GMDS: variants seen among roughly 807,000 people sequenced by gnomAD.
The protein encoded by GMDS is GDP-mannose 4,6 dehydratase.
A neutral mutation model predicts 49.9 loss-of-function variants in GMDS; 20 were observed. The observed-to-expected ratio is 0.40, with a 90% CI of 0.28 to 0.58. The LOEUF (loss-of-function observed/expected upper bound fraction) is 0.58, where lower values mean the gene tolerates loss of function less well. Ranked by LOEUF, GMDS falls within the 20% of genes least tolerant of loss-of-function variation. The pLI is 0.42. For synonymous variants in GMDS, 177 were observed against 178.6 expected, an observed-to-expected ratio of 0.99 and a Z score of 0.07; for missense variants, 362 against 481.4, an observed-to-expected ratio of 0.75 and a Z score of 2.32.
intron 1 of GMDS, among the ~76,000 whole-genome samples, chr6:2,172,879 T>G (rs1778088183): frequency 6.6e-6 from 1 of 152,304 alleles, no homozygotes; most frequent in Non-Finnish European, 1.5e-5. Flanking sequence ...TATCAGGCTT[T>G]GTACTGACAT....
At chr6:1,893,738 C>G (rs1024172356) in intron 7 of GMDS, among the ~76,000 whole-genome samples, 2 of 152,114 alleles carry the variant, frequency 1.3e-5, no homozygotes, top group Admixed American at 6.5e-5. Flanking sequence ...ACACTGGACT[C>G]GTGTGAAGGG....
At chr6:2,204,807 G>T (rs1581793453) in intron 1 of GMDS, among the ~76,000 whole-genome samples, 1 of 152,114 alleles carries the variant, frequency 6.6e-6, no homozygotes, top group Admixed American at 6.5e-5. Context: ...TTCGCCTACT[G>T]GTAAAAGGTG....
intron 4 of GMDS, among the ~76,000 whole-genome samples, chr6:2,003,575 G>GT (rs1331071270): frequency 2.0e-5 from 3 of 152,124 alleles, no homozygotes; most frequent in African/African-American, 7.2e-5. Context: ...ATTACCTAGA[G>GT]TAAGACTTGC....
chr6:2,068,650 T>G (rs920266512), intron 4 of GMDS, among the ~76,000 whole-genome samples: 3 of 151,988 alleles, frequency 2.0e-5, no homozygotes, highest in Non-Finnish European at 4.4e-5. Context: ...AAATCATGGG[T>G]GAACTCCCAT....
intron 1 of GMDS, among the ~76,000 whole-genome samples, chr6:2,211,342 G>T (rs1219160558): frequency 6.6e-6 from 1 of 152,164 alleles, no homozygotes; most frequent in Non-Finnish European, 1.5e-5. Context: ...AACATAGTGG[G>T]TGTTCAGCAA....
intron 4 of GMDS, among the ~76,000 whole-genome samples, chr6:2,113,311 A>T (rs1015444149): frequency 6.6e-6 from 1 of 151,996 alleles, no homozygotes; most frequent in African/African-American, 2.4e-5. Context: ...TTCTAGTGAC[A>T]CCATCCTCAT....
chr6:2,187,410 C>A (rs1778825024), intron 1 of GMDS, among the ~76,000 whole-genome samples: 1 of 152,190 alleles, frequency 6.6e-6, no homozygotes, highest in South Asian at 2.1e-4. Flanking sequence ...TGACTCTCAT[C>A]CAAGCAGACC....
chr6:2,111,465 C>T (rs1054445936), intron 4 of GMDS, among the ~76,000 whole-genome samples: 3 of 152,202 alleles, frequency 2.0e-5, no homozygotes, highest in African/African-American at 7.2e-5. Flanking sequence ...ATTTCCCAGA[C>T]TTCTGTGGGT....
At position 2,091,063 on chromosome 6, in the gene GMDS, AT is replaced by A. The variant is rs369725895; in HGVS notation, c.345+24707del. Among the ~76,000 whole-genome samples the A allele has an allele frequency of 4.8e-3, 724 of 152,220 alleles. 1 individual carries two copies. Among genetic ancestry groups the A allele is most frequent in the Middle Eastern group, 0.01 (3 of 294 alleles). On this transcript the variant is annotated intron_variant, in intron 4 of 10. Coordinates refer to ENST00000380815, the MANE Select transcript of GMDS (RefSeq NM_001500.4). ...ATTCCACTTTTGAGTTGCCAACTAA[AT>A]TGCTTCTTGGTTTATAGTATGGAAG...
chr6:2,016,098 A>C (rs1209410610), intron 4 of GMDS, among the ~76,000 whole-genome samples: 2 of 150,686 alleles, frequency 1.3e-5, no homozygotes, highest in Admixed American at 6.6e-5. Context: ...AAAAAAAAAA[A>C]AAACAGAAAA....
chr6:2,100,812 C>T (rs1285507243), intron 4 of GMDS, among the ~76,000 whole-genome samples: 6 of 151,866 alleles, frequency 4.0e-5, no homozygotes, highest in South Asian at 2.1e-4. Flanking sequence ...AAAACGTCCC[C>T]GAAAAGTGAA....
At chr6:1,995,789 C>T (rs2127370955) in intron 4 of GMDS, among the ~76,000 whole-genome samples, 1 of 152,328 alleles carries the variant, frequency 6.6e-6, no homozygotes, top group Middle Eastern at 3.4e-3. Flanking sequence ...TCTCCACTGA[C>T]TGGGAAGAGA....
rs1434481871 is a variant in GMDS at position 1,624,060 on chromosome 6, C to T, written c.*109G>A. The T allele has an allele frequency of 2.1e-6, 2 of 970,540 alleles. No homozygotes were observed. Among genetic ancestry groups the T allele is most frequent in the Non-Finnish European group, 1.6e-6 (1 of 642,728 alleles). The allele number at this position is 970,540 out of a possible 1,614,324, so 60.1% of individuals were successfully genotyped here. A position where few individuals can be genotyped will look rare whatever the true frequency, so the allele number is the denominator to read the frequency against. ...GGGACAGCGCAGCGGCAGCAGGGGC[C>T]GCAGGGGACCCGCAGATTGGCACGC... On this transcript the variant is annotated 3_prime_UTR_variant, in exon 11 of 11. Transcript: ENST00000380815.
intron 4 of GMDS, among the ~76,000 whole-genome samples, chr6:2,059,641 G>A (rs1189119492): frequency 8.0e-6 from 1 of 124,852 alleles, no homozygotes; most frequent in Non-Finnish European, 1.6e-5. Context: ...CCGGGAGGCG[G>A]AGCTTGCAGT....
intron 9 of GMDS, among the ~76,000 whole-genome samples, chr6:1,669,055 A>C (rs1764331338): frequency 6.6e-6 from 1 of 152,242 alleles, no homozygotes; most frequent in South Asian, 2.1e-4. Context: ...AACTCTCTGC[A>C]ACATTAAAAT....
chr6:1,748,322 TTC>T (rs1299792610), intron 7 of GMDS, among the ~76,000 whole-genome samples: 2 of 152,198 alleles, frequency 1.3e-5, no homozygotes, highest in African/African-American at 4.8e-5. Context: ...TCTATTCAAT[TTC>T]TTTTTCATGC....
At chr6:2,106,870 G>GA (rs576984709) in intron 4 of GMDS, among the ~76,000 whole-genome samples, 12 of 129,838 alleles carry the variant, frequency 9.2e-5, no homozygotes, top group Admixed American at 1.5e-4. Flanking sequence ...CTCAAAAAAA[G>GA]AAAAAAAAAA....
chr6:1,988,961 G>C (rs981273020), intron 4 of GMDS, among the ~76,000 whole-genome samples: 2 of 152,188 alleles, frequency 1.3e-5, no homozygotes, highest in Non-Finnish European at 2.9e-5. Context: ...GAGCAGAAAG[G>C]CTGGCCCTCT....
chr6:1,989,689 C>T (rs998997053), intron 4 of GMDS, among the ~76,000 whole-genome samples: 1 of 152,194 alleles, frequency 6.6e-6, no homozygotes, highest in South Asian at 2.1e-4. Context: ...ACACTCCCTT[C>T]CAAACACTCC....
Sources: allele counts gnomAD v4.1 joint callset (sites outside exome capture counted in the v4.1 genomes callset), GRCh38; gene constraint gnomAD v4.1.1; transcripts MANE v1.5; gene names NCBI Gene and HGNC (gene_info 2026-07-23, HGNC 2026-07-21).